The following NRXN1 variants were observed in gnomAD, a reference collection of about 807,000 sequenced individuals.
The protein encoded by NRXN1 is neurexin-1.
A neutral mutation model predicts 150.9 loss-of-function variants in NRXN1; 39 were observed. That is an observed-to-expected ratio of 0.26 (90% CI 0.20 to 0.34). The LOEUF is 0.34. Ranked by LOEUF, NRXN1 falls within the 10% of genes least tolerant of loss-of-function variation. The pLI is 1.00. For missense variants in NRXN1, 1,815 were observed against 1,949.9 expected, an observed-to-expected ratio of 0.93 and a Z score of 1.30; for synonymous variants, 924 against 757.0, an observed-to-expected ratio of 1.22 and a Z score of -3.62.
chr2:50,227,854 T>C (rs2064551180), intron 18 of NRXN1, among the ~76,000 whole-genome samples: 1 of 152,118 alleles, frequency 6.6e-6, no homozygotes. Context: ...GAGATATGGC[T>C]AATGTGACCA....
At chr2:50,053,681 T>A in intron 20 of NRXN1, 91 bp from the exon 21 acceptor site, 2 of 1,292,110 alleles carry the variant, frequency 1.5e-6, no homozygotes, top group Non-Finnish European at 1.1e-6. Flanking sequence ...ATGGGGTGAA[T>A]AATGAGAGCA....
intron 17 of NRXN1, among the ~76,000 whole-genome samples, chr2:50,455,945 C>G (rs1351299809): frequency 6.6e-6 from 1 of 152,170 alleles, no homozygotes; most frequent in Non-Finnish European, 1.5e-5. Flanking sequence ...CTGCTGGAAT[C>G]CAGATGAGGC....
chr2:50,863,889 G>A, intron 5 of NRXN1, among the ~76,000 whole-genome samples: 1 of 152,124 alleles, frequency 6.6e-6, no homozygotes, highest in South Asian at 2.1e-4. Context: ...GTGAGCCTAT[G>A]AGATAGGAAA....
intron 17 of NRXN1, among the ~76,000 whole-genome samples, chr2:50,237,259 G>A (rs1394418898): frequency 6.6e-6 from 1 of 152,020 alleles, no homozygotes; most frequent in Non-Finnish European, 1.5e-5. Context: ...GGAATGTAAT[G>A]AGGCATTATC....
intron 21 of NRXN1, chr2:50,019,156 C>T (rs966386858): frequency 1.7e-5 from 8 of 470,562 alleles, no homozygotes; most frequent in Non-Finnish European, 3.5e-5. Flanking sequence ...ATTACTCATC[C>T]TATCCCTTTG....
chr2:50,963,974 C>T (rs1313510333), intron 2 of NRXN1: 1 of 442,446 alleles, frequency 2.3e-6, no homozygotes, highest in African/African-American at 2.0e-5. Flanking sequence ...AAACATATGT[C>T]ATTGTCCTTC....
At chr2:50,175,643 A>G (rs971626773) in intron 18 of NRXN1, among the ~76,000 whole-genome samples, 1 of 152,058 alleles carries the variant, frequency 6.6e-6, no homozygotes, top group Non-Finnish European at 1.5e-5. Context: ...ATATATGCAC[A>G]TGCATGTCTA....
chr2:50,984,399 C>G (rs902676425), intron 2 of NRXN1, among the ~76,000 whole-genome samples: 2 of 151,738 alleles, frequency 1.3e-5, no homozygotes, highest in Non-Finnish European at 2.9e-5. Context: ...AGAGTGTATG[C>G]GGCCAGCAAA....
rs772988256 is a variant in NRXN1 at position 51,028,031 on chromosome 2, C to G, written c.243G>C (p.Leu81=). ...GCAGGCGGCCGCCGCGCGTCAGAAT[C>G]AGCTCCAGGAAGTCGCAGAAGCCCT... ...DDEGFCDFLE[L]ILTRGGRLQL... is the part of the protein sequence containing the mutation. Residue 81 remains leucine (L), a synonymous_variant, in exon 2 of 23, where the codon CTG becomes CTC. Transcript: ENST00000401669. The G allele has an allele frequency of 6.2e-7, 1 of 1,600,072 alleles. No individual in the cohort carries two copies. Among genetic ancestry groups the G allele is most frequent in the African/African-American group, 1.3e-5 (1 of 74,986 alleles).
intron 2 of NRXN1, among the ~76,000 whole-genome samples, chr2:50,945,277 C>T (rs968018636): frequency 6.6e-6 from 1 of 152,096 alleles, no homozygotes; most frequent in Admixed American, 6.6e-5. Flanking sequence ...AGTTCTAGAC[C>T]AGCCTGGGCA....
chr2:50,892,133 G>A lies in NRXN1; in HGVS notation c.832+29736C>T, dbSNP rs537161667. Reference sequence around the variant, plus strand: ...GATGGAGACAGACTTCTTTGAGAAGGTGACATTTGAACAGGGATTACAATA... The same window carrying A: ...GATGGAGACAGACTTCTTTGAGAAGATGACATTTGAACAGGGATTACAATA... On this transcript the variant is annotated intron_variant, in intron 5 of 22. Coordinates refer to ENST00000401669, the MANE Select transcript of NRXN1 (RefSeq NM_001330078.2). Among the ~76,000 whole-genome samples the A allele has an allele frequency of 2.6e-5, 4 of 152,198 alleles. No homozygotes were observed. The South Asian group carries it at 8.3e-4, about 32-fold the overall frequency.
intron 9 of NRXN1, among the ~76,000 whole-genome samples, chr2:50,549,949 C>T (rs1667194671): frequency 6.6e-6 from 1 of 151,982 alleles, no homozygotes; most frequent in Admixed American, 6.6e-5. Flanking sequence ...GAGACATGCA[C>T]ACATATATAG....
chr2:50,901,718 A>G (rs560655810), intron 5 of NRXN1, among the ~76,000 whole-genome samples: 18 of 152,338 alleles, frequency 1.2e-4, no homozygotes, highest in African/African-American at 4.3e-4. Flanking sequence ...CTAAGAAAAA[A>G]ATGTGATTTG....
chr2:51,019,726 T>C (rs1355139148), intron 2 of NRXN1, among the ~76,000 whole-genome samples: 3 of 152,060 alleles, frequency 2.0e-5, no homozygotes, highest in Admixed American at 6.6e-5. Flanking sequence ...CTGATTGTGT[T>C]GGTAGGATTT....
intron 17 of NRXN1, among the ~76,000 whole-genome samples, chr2:50,237,929 T>TCTAACAAGATCTAACAAAA (rs1559148109): frequency 6.6e-6 from 1 of 151,998 alleles, no homozygotes; most frequent in East Asian, 2.0e-4. Flanking sequence ...TCTAACAAGA[T>TCTAACAAGATCTAACAAAA]CTGATGGTTT....
chr2:51,021,030 A>G (rs1337811195), intron 2 of NRXN1, among the ~76,000 whole-genome samples: 1 of 151,978 alleles, frequency 6.6e-6, no homozygotes, highest in Non-Finnish European at 1.5e-5. Flanking sequence ...GGCCGTGTAA[A>G]TTTACCTATT....
chr2:50,634,979 C>A (rs1683016466), intron 5 of NRXN1, among the ~76,000 whole-genome samples: 1 of 152,098 alleles, frequency 6.6e-6, no homozygotes, highest in Non-Finnish European at 1.5e-5. Context: ...GCTCATCTCC[C>A]AGCTCTAACC....
At chr2:51,001,346 G>A (rs10171887) in intron 2 of NRXN1, among the ~76,000 whole-genome samples, 95,016 of 150,972 alleles carry the variant, frequency 0.63, 30,251 homozygotes, top group East Asian at 0.75. Context: ...GCAAAAAATC[G>A]TACTCAGAAC....
At chr2:50,034,017 G>A (rs2152570349) in intron 21 of NRXN1, among the ~76,000 whole-genome samples, 1 of 149,420 alleles carries the variant, frequency 6.7e-6, no homozygotes, top group East Asian at 2.0e-4. Context: ...GTTGCAAACA[G>A]AAGAGAATGC....
Sources: allele counts gnomAD v4.1 joint callset (sites outside exome capture counted in the v4.1 genomes callset), GRCh38; gene constraint gnomAD v4.1.1; transcripts MANE v1.5; gene names NCBI Gene and HGNC (gene_info 2026-07-23, HGNC 2026-07-21).